The following FOCAD variants were observed in gnomAD, a reference collection of about 807,000 sequenced individuals.
FOCAD encodes the protein focadhesin, also known as KIAA1797.
A neutral mutation model predicts 225.6 loss-of-function variants in FOCAD; 198 were observed. The ratio of observed to expected loss-of-function variants is 0.88; its 90% confidence interval spans 0.78 to 0.99. FOCAD has a LOEUF of 0.99. FOCAD is among the 50% of genes least tolerant of loss of function. The pLI is 0.00. For missense variants in FOCAD, 2,713 were observed against 2,123.6 expected (o/e 1.28, Z -5.46); for synonymous variants, 897 against 755.0 (o/e 1.19, Z -3.08).
At chr9:20,941,937 G>A (rs181705192) in intron 28 of FOCAD, among the ~76,000 whole-genome samples, 44 of 152,140 alleles carry the variant, frequency 2.9e-4, no homozygotes, top group East Asian at 2.3e-3. Flanking sequence ...TAAGCACCTG[G>A]GGGAACATTT....
chr9:20,668,325 C>A (rs1821955537), intron 2 of FOCAD, among the ~76,000 whole-genome samples: 1 of 152,166 alleles, frequency 6.6e-6, no homozygotes, highest in South Asian at 2.1e-4. Flanking sequence ...AAGTGAAGGA[C>A]ATCCTCTTAA....
chr9:20,691,446 A>G (rs1822970268), intron 1 of FOCAD, among the ~76,000 whole-genome samples: 2 of 151,540 alleles, frequency 1.3e-5, no homozygotes, highest in African/African-American at 2.4e-5. Flanking sequence ...GCCTTTAAAT[A>G]TTAGCATTAT....
upstream of FOCAD, chr9:20,683,994 C>T (rs2131307178): frequency 6.6e-6 from 1 of 152,418 alleles, no homozygotes; most frequent in Non-Finnish European, 1.5e-5. Context: ...CTTGGGCTAA[C>T]TCCTCACTGC....
intron 6 of FOCAD, among the ~76,000 whole-genome samples, chr9:20,759,929 GGATCA>G (rs1371869943): frequency 1.3e-5 from 2 of 152,140 alleles, no homozygotes; most frequent in African/African-American, 4.8e-5. Context: ...CTGCCAAGTG[GGATCA>G]GATAGCCACC....
At chr9:20,856,270 G>A (rs561281837) in intron 15 of FOCAD, among the ~76,000 whole-genome samples, 17 of 151,860 alleles carry the variant, frequency 1.1e-4, no homozygotes, top group South Asian at 2.1e-4. Context: ...ATTATTGCCC[G>A]TCATTTGGAT....
chr9:20,961,943 G>A (rs1587727540), intron 35 of FOCAD, among the ~76,000 whole-genome samples: 3 of 152,158 alleles, frequency 2.0e-5, no homozygotes, highest in South Asian at 2.1e-4. Flanking sequence ...TCTGTCTGAT[G>A]TATCAGAATC....
intron 22 of FOCAD, among the ~76,000 whole-genome samples, chr9:20,911,816 G>C (rs1008762210): frequency 6.6e-6 from 1 of 152,098 alleles, no homozygotes; most frequent in Non-Finnish European, 1.5e-5. Context: ...TAAGTATGGA[G>C]AGATACATAC....
intron 5 of FOCAD, among the ~76,000 whole-genome samples, 188 bp downstream of exon 5, chr9:20,740,528 A>T (rs990635225): frequency 6.6e-6 from 1 of 152,212 alleles, no homozygotes. Context: ...AGTTGACAAG[A>T]TGAGTATCAC....
intron 15 of FOCAD, among the ~76,000 whole-genome samples, chr9:20,823,499 T>C (rs1212740523): frequency 1.3e-5 from 2 of 152,060 alleles, no homozygotes; most frequent in African/African-American, 2.4e-5. Flanking sequence ...AGTGGCACTT[T>C]TATAGCTAAA....
At chr9:20,681,194 T>C, upstream of FOCAD, among the ~76,000 whole-genome samples, 1 of 152,240 alleles carries the variant, frequency 6.6e-6, no homozygotes, top group East Asian at 1.9e-4. Flanking sequence ...CATAAGACTT[T>C]AAGCTTACTA....
intron 10 of FOCAD, among the ~76,000 whole-genome samples, chr9:20,789,097 A>C (rs961771355): frequency 1.3e-5 from 2 of 152,022 alleles, no homozygotes; most frequent in African/African-American, 2.4e-5. Flanking sequence ...ATTCTGCCTT[A>C]ATGGGGAATG....
chr9:20,769,618 C>G (rs138343360), intron 7 of FOCAD, among the ~76,000 whole-genome samples: 3 of 152,178 alleles, frequency 2.0e-5, no homozygotes, highest in Non-Finnish European at 4.4e-5. Flanking sequence ...GGCTTAGTAC[C>G]GTGTTAGAAT....
chr9:20,916,604 C>T (rs1377242132), intron 23 of FOCAD, among the ~76,000 whole-genome samples: 2 of 152,160 alleles, frequency 1.3e-5, no homozygotes, highest in African/African-American at 2.4e-5. Context: ...CACTTGTATA[C>T]TCACCACGCT....
At chr9:20,699,098 T>C (rs1227610522) in intron 1 of FOCAD, among the ~76,000 whole-genome samples, 1 of 152,206 alleles carries the variant, frequency 6.6e-6, no homozygotes, top group Non-Finnish European at 1.5e-5. Flanking sequence ...TAGGTGGGAC[T>C]TGGGGAGACT....
intron 5 of FOCAD, among the ~76,000 whole-genome samples, chr9:20,751,819 G>A (rs1305388388): frequency 3.3e-4 from 49 of 146,830 alleles, no homozygotes; most frequent in Non-Finnish European, 9.1e-5. Context: ...TCCAGCACCT[G>A]TTGTTTCCTG....
chr9:20,928,180 G>T (rs1292405264), intron 26 of FOCAD, among the ~76,000 whole-genome samples: 1 of 152,030 alleles, frequency 6.6e-6, no homozygotes, highest in Non-Finnish European at 1.5e-5. Flanking sequence ...CTTAGTTCTT[G>T]CAAACCAATA....
chr9:20,878,254 G>A (rs1389361533), intron 19 of FOCAD, among the ~76,000 whole-genome samples: 2 of 152,182 alleles, frequency 1.3e-5, no homozygotes, highest in Admixed American at 1.3e-4. Context: ...TGAAGGGGCG[G>A]AAGTTGTACA....
chr9:20,731,871 C>T (rs1206030597), intron 4 of FOCAD, among the ~76,000 whole-genome samples: 1 of 152,202 alleles, frequency 6.6e-6, no homozygotes, highest in Non-Finnish European at 1.5e-5. Flanking sequence ...CCCGCCTCAG[C>T]CTCCCAAAGT....
At chr9:20,924,415 C>G (rs1444243899) in intron 25 of FOCAD, among the ~76,000 whole-genome samples, 1 of 152,206 alleles carries the variant, frequency 6.6e-6, no homozygotes, top group Non-Finnish European at 1.5e-5. Context: ...CTTACTACCT[C>G]TATGGCCTAT....
Sources: gnomAD v4.1 joint callset for allele counts (sites outside exome capture counted in the v4.1 genomes callset) on GRCh38, gnomAD v4.1.1 for gene constraint, MANE v1.5 for transcripts, NCBI Gene and HGNC (gene_info 2026-07-23, HGNC 2026-07-21) for gene names.